TEX11: variants seen among roughly 807,000 people sequenced by gnomAD.
TEX11 encodes the protein testis expressed 11, also known as testis-expressed protein 11.
Under a neutral mutation model 84.4 loss-of-function variants are expected in TEX11, and 7 were observed. The ratio of observed to expected loss-of-function variants is 0.08; its 90% confidence interval spans 0.05 to 0.16. The LOEUF (loss-of-function observed/expected upper bound fraction) is 0.16. Among genes scored for constraint, TEX11 ranks in the 10% least tolerant of loss-of-function variants. The pLI, the probability that TEX11 is intolerant of heterozygous loss-of-function variation, is 1.00. For synonymous variants in TEX11, 264 were observed against 222.8 expected, an observed-to-expected ratio of 1.18 and a Z score of -1.64; for missense variants, 551 against 660.5, an observed-to-expected ratio of 0.83 and a Z score of 1.82.
chrX:70,792,733 C>A (rs2091132174), intron 9 of TEX11, among the ~76,000 whole-genome samples: 1 of 110,216 alleles, frequency 9.1e-6, no homozygotes, highest in South Asian at 3.9e-4. Flanking sequence ...CTAGAATTTA[C>A]ATCCAAATTC....
intron 20 of TEX11, among the ~76,000 whole-genome samples, chrX:70,616,376 A>G (rs1449839155): frequency 1.8e-5 from 2 of 111,836 alleles, no homozygotes; most frequent in Non-Finnish European, 3.8e-5. Flanking sequence ...AAGTCATCAG[A>G]TTAAAATAAT....
chrX:70,795,126 C>T lies in TEX11; in HGVS notation c.692+11579G>A, dbSNP rs529694126. Among the ~76,000 whole-genome samples the T allele has an allele frequency of 1.5e-4, 16 of 108,702 alleles. No homozygotes were observed. In the South Asian group the frequency reaches 2.5e-3, roughly 17 times the overall value. 94.4% of individuals were successfully genotyped at this position (108,702 alleles called of 115,157 possible). A position where few individuals can be genotyped will look rare whatever the true frequency, so the allele number is the denominator to read the frequency against. ...TGCCTTGCAAGATGAGTCCCAGACC[C>T]GGCACCATTCATCACAAGCTGACTG... On this transcript the variant is annotated intron_variant, in intron 9 of 29. Coordinates refer to ENST00000374333, the MANE Select transcript of TEX11 (RefSeq NM_031276.3).
intron 17 of TEX11, 116 bp from the exon 18 acceptor site, chrX:70,629,851 T>G: frequency 1.7e-6 from 1 of 605,781 alleles, no homozygotes; most frequent in Non-Finnish European, 2.4e-6. Context: ...TTTTAAAATG[T>G]TAGTATTCAT....
intron 9 of TEX11, among the ~76,000 whole-genome samples, chrX:70,748,442 A>C (rs1387215530): frequency 8.9e-6 from 1 of 112,074 alleles, no homozygotes; most frequent in East Asian, 2.8e-4. Context: ...GTATTCAAAC[A>C]TCTGTGAAAT....
intron 11 of TEX11, among the ~76,000 whole-genome samples, chrX:70,732,499 C>A (rs904934488): frequency 9.0e-6 from 1 of 111,663 alleles, no homozygotes; most frequent in Non-Finnish European, 1.9e-5. Context: ...CATTCTTATA[C>A]ACCAAAAACA....
intron 2 of TEX11, among the ~76,000 whole-genome samples, chrX:70,887,809 T>G (rs2091717861): frequency 8.9e-6 from 1 of 112,473 alleles, no homozygotes; most frequent in Admixed American, 9.4e-5. Context: ...GCTTCAGGTT[T>G]GACCCAGTAC....
At chrX:70,828,391 C>T (rs1316640502) in intron 8 of TEX11, among the ~76,000 whole-genome samples, 1 of 109,925 alleles carries the variant, frequency 9.1e-6, no homozygotes, top group Non-Finnish European at 1.9e-5. Flanking sequence ...AACAAAGAGA[C>T]TGAAATAATT....
chrX:70,853,458 A>G, intron 5 of TEX11, 130 bp from the exon 6 acceptor site: 1 of 468,622 alleles, frequency 2.1e-6, no homozygotes, highest in African/African-American at 2.4e-5. Context: ...ACAAAAAGCA[A>G]CAGTTAGCAT....
intron 28 of TEX11, among the ~76,000 whole-genome samples, chrX:70,539,880 CA>C (rs2088018456): frequency 1.8e-5 from 2 of 110,407 alleles, no homozygotes; most frequent in Non-Finnish European, 3.8e-5. Flanking sequence ...GACATAGACC[CA>C]AAAAGAAAAA....
the TEX11 span, among the ~76,000 whole-genome samples, chrX:70,516,437 G>A: frequency 1.8e-5 from 2 of 111,629 alleles, no homozygotes; most frequent in African/African-American, 6.5e-5. Context: ...TTGTAGATGT[G>A]TGGTGTTATT....
chrX:70,544,836 C>CAAAA (rs140403649), intron 28 of TEX11, among the ~76,000 whole-genome samples: 22 of 26,317 alleles, frequency 8.4e-4, no homozygotes, highest in African/African-American at 8.9e-4. Context: ...GACTCCATCT[C>CAAAA]AAAAAAAAAA....
chrX:70,808,693 ATC>A (rs2091235284), intron 8 of TEX11, among the ~76,000 whole-genome samples: 2 of 109,535 alleles, frequency 1.8e-5, no homozygotes, highest in Admixed American at 9.9e-5. Context: ...AGATACATCT[ATC>A]ATATACCCAC....
intron 13 of TEX11, among the ~76,000 whole-genome samples, chrX:70,720,908 T>C (rs2090554229): frequency 9.1e-6 from 1 of 110,111 alleles, no homozygotes; most frequent in African/African-American, 3.3e-5. Context: ...AAACTTTTTC[T>C]AGTGATTAAT....
intron 18 of TEX11, among the ~76,000 whole-genome samples, chrX:70,628,207 G>A (rs1226674711): frequency 9.6e-6 from 1 of 103,765 alleles, no homozygotes; most frequent in East Asian, 3.0e-4. Flanking sequence ...TCCAGCCTGG[G>A]TGACAGAGTG....
chrX:70,711,071 G>A (rs2090427310), intron 13 of TEX11, among the ~76,000 whole-genome samples: 1 of 110,371 alleles, frequency 9.1e-6, no homozygotes, highest in African/African-American at 3.3e-5. Flanking sequence ...AGTTTGCTGA[G>A]AATGATGGTT....
At chrX:70,617,368 AC>A (rs1194552456) in intron 20 of TEX11, among the ~76,000 whole-genome samples, 14 of 106,926 alleles carry the variant, frequency 1.3e-4, no homozygotes, top group African/African-American at 4.4e-4. Context: ...CATTATATAT[AC>A]ATATATATCA....
chrX:70,903,113 G>A (rs749730458), intron 2 of TEX11, among the ~76,000 whole-genome samples: 6 of 111,761 alleles, frequency 5.4e-5, no homozygotes, highest in Non-Finnish European at 1.1e-4. Context: ...CACCTACTGC[G>A]ATAATAGTGC....
At position 70,609,135 on chromosome X, in the gene TEX11, C is replaced by T; in HGVS notation, c.1835G>A (p.Ser612Asn). ...AGCTTCATTAGCTCTTGACTCCAAA[C>T]TTAAGGCTTCTTCACCAAAAGGCTG... is the stretch of plus-strand genomic sequence containing the variant. ...LSQPFGEEAL[S>N]LESRANEAQW... The change falls in exon 22 of 30, where the codon AGT becomes AAT. Residue 612 changes from serine to asparagine, a missense_variant. Ser to Asn is a conservative substitution (Grantham distance 46). Transcript: ENST00000374333. The T allele has an allele frequency of 5.8e-6, 7 of 1,206,296 alleles. No individual in the cohort carries two copies. The highest frequency in any genetic ancestry group is 6.7e-6 in the Non-Finnish European group (6 of 893,012).
intron 9 of TEX11, among the ~76,000 whole-genome samples, chrX:70,764,834 A>G (rs951537856): frequency 9.0e-6 from 1 of 111,717 alleles, no homozygotes; most frequent in African/African-American, 3.2e-5. Context: ...TATAATAAAA[A>G]GTCTCCCAGT....
Sources: allele counts gnomAD v4.1 joint callset (sites outside exome capture counted in the v4.1 genomes callset), GRCh38; gene constraint gnomAD v4.1.1; transcripts MANE v1.5; gene names NCBI Gene and HGNC (gene_info 2026-07-23, HGNC 2026-07-21).